VAV2: variants seen among roughly 807,000 people sequenced by gnomAD.
VAV2 encodes vav guanine nucleotide exchange factor 2.
In VAV2, 67 loss-of-function variants were observed where a neutral mutation model predicts 132.5. The observed-to-expected ratio is 0.51, with a 90% CI of 0.42 to 0.62. VAV2 has a LOEUF of 0.62. Among genes scored for constraint, VAV2 ranks in the 20% least tolerant of loss-of-function variants. VAV2 has a pLI of 0.00. For missense variants in VAV2, 938 were observed against 1,153.6 expected (o/e 0.81, Z 2.71); for synonymous variants, 492 against 443.5 (o/e 1.11, Z -1.37).
chr9:133,820,319 TTTTC>T (rs1039997169), intron 4 of VAV2, among the ~76,000 whole-genome samples: 13 of 148,654 alleles, frequency 8.7e-5, no homozygotes, highest in African/African-American at 3.1e-4. Context: ...ACAAGTTTCT[TTTTC>T]TTTTTCTTTT....
intron 3 of VAV2, among the ~76,000 whole-genome samples, chr9:133,859,334 C>A (rs754299868): frequency 6.6e-6 from 1 of 152,220 alleles, no homozygotes; most frequent in East Asian, 1.9e-4. Flanking sequence ...GAGCCTGACA[C>A]GGGCACAGCT....
chr9:133,915,378 C>T (rs1017078847), intron 2 of VAV2, among the ~76,000 whole-genome samples: 2 of 152,212 alleles, frequency 1.3e-5, no homozygotes, highest in African/African-American at 4.8e-5. Context: ...CACGATCTGG[C>T]GTTCTACAGA....
chr9:133,979,046 C>T (rs1842606107), intron 1 of VAV2, among the ~76,000 whole-genome samples: 1 of 152,170 alleles, frequency 6.6e-6, no homozygotes, highest in Non-Finnish European at 1.5e-5. Context: ...CTGCAGGTCC[C>T]GGAGCGCCCA....
intron 12 of VAV2, among the ~76,000 whole-genome samples, chr9:133,792,359 ATGTGTGTGTGTG>A (rs141878473): frequency 1.6e-5 from 2 of 123,446 alleles, no homozygotes; most frequent in South Asian, 2.7e-4. Flanking sequence ...GGTGGGGTGC[ATGTGTGTGTGTG>A]TGTGAGCGGG....
At chr9:133,860,734 C>T (rs1244079565) in intron 3 of VAV2, among the ~76,000 whole-genome samples, 1 of 152,208 alleles carries the variant, frequency 6.6e-6, no homozygotes, top group Non-Finnish European at 1.5e-5. Context: ...CAATCAGGAA[C>T]CTGGTCTCCC....
In VAV2 at chr9:133,944,691, G is replaced by A. The variant is rs191786471; in HGVS notation, c.205-5472C>T. Among the ~76,000 whole-genome samples, 35 of 152,362 alleles carry A rather than the reference G, an allele frequency of 2.3e-4. 1 individual carries two copies. In the South Asian group the frequency reaches 5.6e-3, roughly 24 times the overall value. On this transcript the variant is annotated intron_variant, in intron 1 of 29. Transcript: ENST00000371850. ...GGATGCAAAAGGGCAGCAGGCCCCC[G>A]CCTAAGGGGATGCAAGAAAGTCCTG...
chr9:133,822,339 A>T (rs1024871336), intron 4 of VAV2, among the ~76,000 whole-genome samples: 1 of 152,146 alleles, frequency 6.6e-6, no homozygotes, highest in Non-Finnish European at 1.5e-5. Flanking sequence ...ACCGAGTCGG[A>T]TGTTTCCTGA....
chr9:133,906,826 G>A (rs899536730), intron 2 of VAV2, among the ~76,000 whole-genome samples: 4 of 151,690 alleles, frequency 2.6e-5, no homozygotes, highest in African/African-American at 4.9e-5. Context: ...CCCTTCTGAC[G>A]TGCGGAGACC....
In VAV2 at chr9:133,768,091, C is replaced by T. The variant is rs1011556577; in HGVS notation, c.2589+351G>A. ...CCTCCTCAGTCCTGTGACCTCCCTT[C>T]CCGCAAACAGAGCTTGGGGACTTGC... On this transcript the variant is annotated intron_variant, in intron 29 of 29. Transcript: ENST00000371850. This position sits in a 1 kb window ranked among gnomAD's most constrained non-coding sequence, Gnocchi z 5.3. 4.6e-5 allele frequency among the ~76,000 whole-genome samples: 7 copies of T among 152,134 alleles called. No individual in the cohort carries two copies. Among genetic ancestry groups the T allele is most frequent in the African/African-American group, 1.7e-4 (7 of 41,408 alleles).
At chr9:133,848,911 C>T (rs1360974625) in intron 3 of VAV2, among the ~76,000 whole-genome samples, 3 of 152,358 alleles carry the variant, frequency 2.0e-5, no homozygotes, top group African/African-American at 7.2e-5. Flanking sequence ...CATGCCAAGA[C>T]GTCATCTTCT....
chr9:133,949,065 C>G (rs1053222500), intron 1 of VAV2, among the ~76,000 whole-genome samples: 2 of 152,202 alleles, frequency 1.3e-5, no homozygotes, highest in East Asian at 1.9e-4. Context: ...CCCTCTGACA[C>G]CAGCACTCCT....
intron 2 of VAV2, among the ~76,000 whole-genome samples, chr9:133,874,631 G>A (rs1838191325): frequency 6.6e-6 from 1 of 152,134 alleles, no homozygotes; most frequent in South Asian, 2.1e-4. Context: ...AGGGCAGGAG[G>A]GAGGGGTTCT....
At chr9:133,822,259 C>T (rs946170600) in intron 4 of VAV2, among the ~76,000 whole-genome samples, 4 of 152,212 alleles carry the variant, frequency 2.6e-5, no homozygotes, top group African/African-American at 9.7e-5. Context: ...CTGGGATGCG[C>T]CGCACTGGCC....
In VAV2 at chr9:133,821,507, C is replaced by T. The variant is rs1028044821; in HGVS notation, c.450-9291G>A. 7.2e-4 allele frequency among the ~76,000 whole-genome samples: 109 copies of T among 152,300 alleles called. 1 individual carries two copies. Among genetic ancestry groups the T allele is most frequent in the Middle Eastern group, 6.8e-3 (2 of 294 alleles). ...CCATCATGTACAAGACCAGTAGAGG[C>T]TGAGCATACAGTAGGTGCTCAATAA... On this transcript the variant is annotated intron_variant, in intron 4 of 29. Transcript: ENST00000371850.
intron 1 of VAV2, among the ~76,000 whole-genome samples, chr9:133,980,695 G>A (rs914832587): frequency 5.9e-5 from 9 of 152,216 alleles, no homozygotes; most frequent in South Asian, 2.1e-4. Context: ...CAGCCAGGTC[G>A]AGCTCTGCAG....
In VAV2 at chr9:133,833,923, C is replaced by T. The variant is rs2131780231; in HGVS notation, c.449+349G>A. ...CCAGGACCCGGCTTGGGGAGCATGGCCAGCCCCCTCTCTGCCCCACAGCTT... is the reference window on the plus strand; with the variant it reads ...CCAGGACCCGGCTTGGGGAGCATGGTCAGCCCCCTCTCTGCCCCACAGCTT... On this transcript the variant is annotated intron_variant, in intron 4 of 29. Transcript: ENST00000371850. The surrounding 1 kb of genome is among the most constrained non-coding windows in gnomAD (Gnocchi z 5.6). 6.6e-6 allele frequency among the ~76,000 whole-genome samples: 1 copy of T among 152,332 alleles called. No homozygotes were observed. Among genetic ancestry groups the T allele is most frequent in the South Asian group, 2.1e-4 (1 of 4,828 alleles).
At chr9:133,958,959 G>C (rs1207967811) in intron 1 of VAV2, among the ~76,000 whole-genome samples, 1 of 152,194 alleles carries the variant, frequency 6.6e-6, no homozygotes, top group Admixed American at 6.5e-5. Flanking sequence ...CCCGCCCCAG[G>C]TGTTATTTTT....
In VAV2 at chr9:133,804,023, G is replaced by A. The variant is rs186794795; in HGVS notation, c.836+2058C>T. On this transcript the variant is annotated intron_variant, in intron 9 of 29. Transcript: ENST00000371850. This position sits in a 1 kb window ranked among gnomAD's most constrained non-coding sequence, Gnocchi z 4.5. Reference sequence around the variant, plus strand: ...CTCCAGCAACGCCGCAGCTCCCCCCGGAGCTTCTCTATCTTGTCTTGGTTC... The same window carrying A: ...CTCCAGCAACGCCGCAGCTCCCCCCAGAGCTTCTCTATCTTGTCTTGGTTC... Among the ~76,000 whole-genome samples, 135 of 152,152 alleles carry A rather than the reference G, an allele frequency of 8.9e-4. No homozygotes were observed. Among genetic ancestry groups the A allele is most frequent in the African/African-American group, 3.0e-3 (124 of 41,514 alleles).
In VAV2 at chr9:133,873,902, T is replaced by G. The variant is rs567496089; in HGVS notation, c.322-12470A>C. ...GAACGAGGGGTTCCTGTTTGGAGCC[T>G]GAGGCTCGTCTCTCCCAGACACGGC... On this transcript the variant is annotated intron_variant, in intron 2 of 29. Transcript: ENST00000371850. Among the ~76,000 whole-genome samples, 5 of 152,348 alleles carry G rather than the reference T, an allele frequency of 3.3e-5. No individual in the cohort carries two copies. In the South Asian group the frequency reaches 1.0e-3, roughly 32 times the overall value.
Sources: gnomAD v4.1 joint callset for allele counts (sites outside exome capture counted in the v4.1 genomes callset) on GRCh38, gnomAD v4.1.1 for gene constraint, Gnocchi (gnomAD v3.1) non-coding constraint, MANE v1.5 for transcripts, NCBI Gene and HGNC (gene_info 2026-07-23, HGNC 2026-07-21) for gene names.